ETFA: variants seen among roughly 807,000 people sequenced by gnomAD.
The protein encoded by ETFA is electron transfer flavoprotein subunit alpha, also known as electron transfer flavoprotein subunit alpha, mitochondrial.
In ETFA, 22 loss-of-function variants were observed where a neutral mutation model predicts 46.2. The observed-to-expected ratio is 0.48, with a 90% CI of 0.34 to 0.68. ETFA has a LOEUF of 0.68. ETFA is among the 30% of genes least tolerant of loss of function. The pLI, the probability that ETFA is intolerant of heterozygous loss-of-function variation, is 0.01. For synonymous variants in ETFA, 131 were observed against 139.9 expected (o/e 0.94, Z 0.45); for missense variants, 345 against 401.1 (o/e 0.86, Z 1.19).
At chr15:76,298,377 G>T (rs1450481764) in intron 1 of ETFA, among the ~76,000 whole-genome samples, 1 of 152,066 alleles carries the variant, frequency 6.6e-6, no homozygotes, top group Non-Finnish European at 1.5e-5. Context: ...TCTATAGAAG[G>T]GTTCTAGGAA....
chr15:76,227,537 T>TAAAAAAAAAAAAAAAAA (rs2039017006), intron 10 of ETFA, among the ~76,000 whole-genome samples: 1 of 66,442 alleles, frequency 1.5e-5, no homozygotes, highest in African/African-American at 6.8e-5. Context: ...AAGGAAAAGC[T>TAAAAAAAAAAAAAAAAA]ATCATTCAAA....
intron 5 of ETFA, among the ~76,000 whole-genome samples, chr15:76,286,901 T>A (rs2039709676): frequency 6.6e-6 from 1 of 152,204 alleles, no homozygotes; most frequent in Admixed American, 6.5e-5. Context: ...CAATAGGTCA[T>A]AAAGAACAGG....
chr15:76,264,673 G>A (rs956620983), intron 9 of ETFA, among the ~76,000 whole-genome samples: 1 of 152,214 alleles, frequency 6.6e-6, no homozygotes, highest in African/African-American at 2.4e-5. Context: ...AGACACCTGA[G>A]AGGGAAGGCT....
intron 1 of ETFA, among the ~76,000 whole-genome samples, chr15:76,301,959 C>G (rs1466292536): frequency 6.6e-6 from 1 of 152,162 alleles, no homozygotes; most frequent in African/African-American, 2.4e-5. Flanking sequence ...AAGATGCTCA[C>G]TAGGAAATTG....
At chr15:76,256,597 T>C (rs2039347833) in intron 9 of ETFA, among the ~76,000 whole-genome samples, 1 of 152,348 alleles carries the variant, frequency 6.6e-6, no homozygotes, top group African/African-American at 2.4e-5. Flanking sequence ...TTTGAACTTT[T>C]AAGTGAAAAT....
intron 11 of ETFA, among the ~76,000 whole-genome samples, chr15:76,225,289 G>C (rs2038993111): frequency 6.6e-6 from 1 of 151,700 alleles, no homozygotes. Flanking sequence ...GGTTTTTTTT[G>C]TTTTGTTTTG....
In ETFA at chr15:76,215,395, A is replaced by G. The variant is rs1171107147; in HGVS notation, c.*1164T>C. The G allele has an allele frequency of 6.6e-6, 1 of 152,210 alleles. No homozygotes were observed. Among genetic ancestry groups the G allele is most frequent in the East Asian group, 1.9e-4 (1 of 5,186 alleles). 9.4% of individuals were successfully genotyped at this position (152,210 alleles called of 1,614,324 possible). A position where few individuals can be genotyped will look rare whatever the true frequency, so the allele number is the denominator to read the frequency against. On this transcript the variant is annotated 3_prime_UTR_variant, in exon 12 of 12. Coordinates refer to ENST00000557943, the MANE Select transcript of ETFA (RefSeq NM_000126.4). ...TTTTATAGCAACTGATTGTGACACA[A>G]ATCAGAAAGGGTTCACTAGTCAGCT...
intron 9 of ETFA, chr15:76,259,885 G>C: frequency 7.8e-7 from 1 of 1,287,582 alleles, no homozygotes; most frequent in Non-Finnish European, 1.1e-6. Context: ...CATGCTTCAT[G>C]AAGGGCAAGA....
chr15:76,292,156 T>C (rs1301353258), intron 4 of ETFA, among the ~76,000 whole-genome samples: 1 of 152,158 alleles, frequency 6.6e-6, no homozygotes, highest in Non-Finnish European at 1.5e-5. Flanking sequence ...CTCTCTCACA[T>C]GCAAGCAGAA....
intron 9 of ETFA, among the ~76,000 whole-genome samples, chr15:76,254,315 C>T (rs1015404841): frequency 5.9e-5 from 9 of 152,132 alleles, no homozygotes; most frequent in Non-Finnish European, 1.0e-4. Flanking sequence ...GGCTGACCCC[C>T]GCATTAGGCA....
chr15:76,299,808 T>C (rs918264913), intron 1 of ETFA, among the ~76,000 whole-genome samples: 1 of 152,204 alleles, frequency 6.6e-6, no homozygotes, highest in African/African-American at 2.4e-5. Context: ...TCATCTGGGA[T>C]CTAGATTCCA....
intron 9 of ETFA, among the ~76,000 whole-genome samples, chr15:76,238,050 ATCAAGT>A (rs1157900953): frequency 1.3e-5 from 2 of 152,178 alleles, no homozygotes; most frequent in Admixed American, 6.5e-5. Context: ...ACTAAGACAT[ATCAAGT>A]TGATCATATT....
chr15:76,299,630 A>C (rs2039861399), intron 1 of ETFA, among the ~76,000 whole-genome samples: 1 of 152,122 alleles, frequency 6.6e-6, no homozygotes, highest in South Asian at 2.1e-4. Flanking sequence ...TACTCTTAGA[A>C]GGTAGCCTCA....
At chr15:76,263,587 C>T (rs1567208125) in intron 9 of ETFA, among the ~76,000 whole-genome samples, 2 of 152,170 alleles carry the variant, frequency 1.3e-5, no homozygotes, top group African/African-American at 4.8e-5. Flanking sequence ...TACAGTAAAG[C>T]AGTTTTGCCC....
intron 11 of ETFA, among the ~76,000 whole-genome samples, chr15:76,220,524 C>T (rs192362441): frequency 6.0e-4 from 92 of 152,212 alleles, no homozygotes; most frequent in African/African-American, 2.1e-3. Flanking sequence ...TAAAGGACAC[C>T]ATTAAGAAAG....
chr15:76,295,259 C>A (rs1166715405), intron 2 of ETFA, among the ~76,000 whole-genome samples: 1 of 152,162 alleles, frequency 6.6e-6, no homozygotes, highest in Non-Finnish European at 1.5e-5. Flanking sequence ...GAATTAGAAG[C>A]AATTACCAAG....
At chr15:76,247,622 T>A (rs962644048) in intron 9 of ETFA, among the ~76,000 whole-genome samples, 2 of 152,226 alleles carry the variant, frequency 1.3e-5, no homozygotes, top group Non-Finnish European at 2.9e-5. Flanking sequence ...GTGGTCTTGG[T>A]TATTCACTAA....
rs565158121 is a variant in ETFA, at chr15:76,269,468, G to A, written c.816+4944C>T. Among the ~76,000 whole-genome samples the A allele has an allele frequency of 9.2e-5, 14 of 152,220 alleles. No individual in the cohort carries two copies. The South Asian group carries it at 2.5e-3, about 27-fold the overall frequency. On this transcript the variant is annotated intron_variant, in intron 9 of 11. Transcript: ENST00000557943. ...CTGTAGCTCATTTGCTTGATACATC[G>A]CTTCCTTTCAACCCCCACATCCTCA...
intron 11 of ETFA, among the ~76,000 whole-genome samples, chr15:76,219,886 G>A (rs917112002): frequency 2.6e-5 from 4 of 152,200 alleles, no homozygotes; most frequent in Non-Finnish European, 4.4e-5. Flanking sequence ...TGGTGGAAAC[G>A]TAAAATCATG....
Sources: gnomAD v4.1 joint callset for allele counts (sites outside exome capture counted in the v4.1 genomes callset) on GRCh38, gnomAD v4.1.1 for gene constraint, MANE v1.5 for transcripts, NCBI Gene and HGNC (gene_info 2026-07-23, HGNC 2026-07-21) for gene names.